The following COBLL1 variants were observed in gnomAD, a reference collection of about 807,000 sequenced individuals.
COBLL1 encodes the protein cordon-bleu WH2 repeat protein like 1, also known as cordon-bleu protein-like 1.
Under a neutral mutation model 94.8 loss-of-function variants are expected in COBLL1, and 50 were observed. The observed-to-expected ratio is 0.53, with a 90% CI of 0.42 to 0.67. COBLL1 has a LOEUF of 0.67. COBLL1 is among the 30% of genes least tolerant of loss of function. The pLI is 0.00. For missense variants in COBLL1, 1,362 were observed against 1,348.7 expected (o/e 1.01, Z -0.15); for synonymous variants, 448 against 473.8 (o/e 0.95, Z 0.71).
intron 1 of COBLL1, among the ~76,000 whole-genome samples, chr2:164,669,623 A>G (rs773088212): frequency 6.6e-6 from 1 of 152,200 alleles, no homozygotes; most frequent in Non-Finnish European, 1.5e-5. Flanking sequence ...ACTTTGCTGG[A>G]TGTACCCAAT....
At chr2:164,661,765 G>A (rs1691073563) in intron 2 of COBLL1, among the ~76,000 whole-genome samples, 1 of 152,134 alleles carries the variant, frequency 6.6e-6, no homozygotes, top group East Asian at 1.9e-4. Context: ...TAATTTATAA[G>A]TAAGTACTAT....
At chr2:164,781,081 C>T (rs1041927737) in intron 2 of COBLL1, among the ~76,000 whole-genome samples, 2 of 152,154 alleles carry the variant, frequency 1.3e-5, no homozygotes, top group South Asian at 4.1e-4. Flanking sequence ...CATAATGTTG[C>T]ACTGTAATTA....
intron 7 of COBLL1, among the ~76,000 whole-genome samples, chr2:164,706,804 A>G (rs985716067): frequency 6.6e-6 from 1 of 152,212 alleles, no homozygotes; most frequent in Non-Finnish European, 1.5e-5. Flanking sequence ...GTTTCCCTAT[A>G]GTCCTTCAAC....
Position 164,799,793 on chromosome 2 carries a change from A to C in COBLL1, c.41+41363T>G, listed in dbSNP as rs184443001. Among the ~76,000 whole-genome samples, 234 of 152,332 alleles carry C rather than the reference A, an allele frequency of 1.5e-3. 8 individuals are homozygous for C. Among genetic ancestry groups the C allele is most frequent in the Admixed American group, 0.012 (177 of 15,302 alleles). On this transcript the variant is annotated intron_variant, in intron 2 of 13. Coordinates refer to ENST00000652658, the MANE Select transcript of COBLL1 (RefSeq NM_001365672.2). ...AGACAATCTAGAAATAGAGCCACACAAACATGAACAACTTGTTTTTGACAA... is the reference window on the plus strand; with the variant it reads ...AGACAATCTAGAAATAGAGCCACACCAACATGAACAACTTGTTTTTGACAA...
chr2:164,801,830 T>C (rs1683824382), intron 2 of COBLL1, among the ~76,000 whole-genome samples: 1 of 152,194 alleles, frequency 6.6e-6, no homozygotes, highest in African/African-American at 2.4e-5. Flanking sequence ...TTTATGTCTA[T>C]TATCTGTGGA....
Position 164,728,204 on chromosome 2 carries a change from C to G in COBLL1, c.433-7G>C. The G allele has an allele frequency of 7.6e-6, 12 of 1,571,210 alleles. No individual in the cohort carries two copies. Among genetic ancestry groups the G allele is most frequent in the Non-Finnish European group, 9.6e-6 (11 of 1,141,454 alleles). On this transcript the variant is annotated splice_polypyrimidine_tract_variant and splice_region_variant and intron_variant, in intron 4 of 13. Transcript: ENST00000652658. ...TCACTACTCTCACAGTTTTCTGAAA[C>G]ACATATTAAAGCCATAGTTGTACCA...
chr2:164,818,834 T>C (rs1685019979), intron 2 of COBLL1, among the ~76,000 whole-genome samples: 1 of 151,232 alleles, frequency 6.6e-6, no homozygotes, highest in Non-Finnish European at 1.5e-5. Flanking sequence ...TGTGGTGCAA[T>C]CATAGTTCAC....
intron 11 of COBLL1, among the ~76,000 whole-genome samples, chr2:164,698,696 T>C (rs931412826): frequency 3.9e-5 from 6 of 151,904 alleles, no homozygotes; most frequent in Non-Finnish European, 8.8e-5. Flanking sequence ...GTAATTTATC[T>C]GATCCAAGAC....
intron 2 of COBLL1, among the ~76,000 whole-genome samples, chr2:164,820,891 G>C (rs1285815243): frequency 6.6e-6 from 1 of 151,914 alleles, no homozygotes; most frequent in East Asian, 1.9e-4. Flanking sequence ...TTTTTGTTTT[G>C]TTTTGTTTTG....
At chr2:164,803,064 T>C (rs573874837) in intron 2 of COBLL1, among the ~76,000 whole-genome samples, 151 of 152,306 alleles carry the variant, frequency 9.9e-4, no homozygotes, top group African/African-American at 3.4e-3. Context: ...AATAAAAAAT[T>C]TTCCACTATT....
intron 2 of COBLL1, among the ~76,000 whole-genome samples, chr2:164,788,929 G>A (rs909250372): frequency 4.0e-5 from 6 of 151,506 alleles, no homozygotes; most frequent in Non-Finnish European, 8.8e-5. Flanking sequence ...AGGAGAACAA[G>A]AATTTGTAAA....
At chr2:164,754,208 G>A (rs1008631491) in intron 2 of COBLL1, among the ~76,000 whole-genome samples, 2 of 152,130 alleles carry the variant, frequency 1.3e-5, no homozygotes, top group African/African-American at 2.4e-5. Flanking sequence ...CTGACTACAT[G>A]TTAAAATAAT....
chr2:164,792,104 A>ATTCT (rs944277698), intron 2 of COBLL1, among the ~76,000 whole-genome samples: 1 of 151,314 alleles, frequency 6.6e-6, no homozygotes, highest in African/African-American at 2.4e-5. Context: ...CTTTCTTTCT[A>ATTCT]TTCTTTATTT....
intron 6 of COBLL1, 21 bp downstream of exon 6, chr2:164,722,404 G>T: frequency 6.7e-7 from 1 of 1,486,948 alleles, no homozygotes; most frequent in Non-Finnish European, 9.1e-7. Flanking sequence ...CTTACAAAAT[G>T]CAATATAAGA....
At position 164,841,208 on chromosome 2, in the gene COBLL1, G is replaced by T; in HGVS notation, c.-12C>A. ...GTTCGGCCGTCCATCGCCCTGCGGG[G>T]CGCTGCGCGGGCTCCAGCTCCCAGG... On this transcript the variant is annotated 5_prime_UTR_variant, in exon 2 of 14. Transcript: ENST00000652658. The surrounding 1 kb of genome is among the most constrained non-coding windows in gnomAD (Gnocchi z 5.5). 1 of 1,231,876 alleles carries T rather than the reference G, an allele frequency of 8.1e-7. No individual in the cohort carries two copies. The highest frequency in any genetic ancestry group is 1.0e-6 in the Non-Finnish European group (1 of 988,812). The allele number at this position is 1,231,876 out of a possible 1,614,324, so 76.3% of individuals were successfully genotyped here. A position where few individuals can be genotyped will look rare whatever the true frequency, so the allele number is the denominator to read the frequency against.
chr2:164,665,344 AAG>A (rs1553466399), intron 2 of COBLL1, among the ~76,000 whole-genome samples: 1,964 of 147,194 alleles, frequency 0.013, 37 homozygotes, highest in African/African-American at 0.025. Flanking sequence ...AAAAAAAAGA[AAG>A]AAAGAAAGAA....
intron 3 of COBLL1, 44 bp downstream of exon 3, chr2:164,743,643 G>A (rs561418961): frequency 6.9e-7 from 1 of 1,449,840 alleles, no homozygotes; most frequent in Non-Finnish European, 9.7e-7. Flanking sequence ...TTCAATGGTG[G>A]AATAAGAAGG....
At chr2:164,749,981 C>T (rs1349046383) in intron 2 of COBLL1, among the ~76,000 whole-genome samples, 1 of 152,170 alleles carries the variant, frequency 6.6e-6, no homozygotes, top group Non-Finnish European at 1.5e-5. Flanking sequence ...CACTGCCACT[C>T]CTCAGTCTCC....
chr2:164,701,895 GA>G (rs1311796354), intron 9 of COBLL1, among the ~76,000 whole-genome samples: 158 of 147,816 alleles, frequency 1.1e-3, no homozygotes, highest in African/African-American at 3.1e-3. Context: ...GATGTGGTGG[GA>G]GGGGGGGGCG....
Sources: gnomAD v4.1 joint callset for allele counts (sites outside exome capture counted in the v4.1 genomes callset) on GRCh38, gnomAD v4.1.1 for gene constraint, Gnocchi (gnomAD v3.1) non-coding constraint, MANE v1.5 for transcripts, NCBI Gene and HGNC (gene_info 2026-07-23, HGNC 2026-07-21) for gene names.